Variants in CD4 observed in about 807,000 individuals in gnomAD.
The protein encoded by CD4 is CD4 molecule.
A neutral mutation model predicts 50.5 loss-of-function variants in CD4; 25 were observed. The ratio of observed to expected loss-of-function variants is 0.49; its 90% CI spans 0.36 to 0.69. CD4 has a LOEUF of 0.69. CD4 is among the 30% of genes least tolerant of loss of function. The pLI is 0.00. For synonymous variants in CD4, 207 were observed against 221.9 expected (o/e 0.93, Z 0.60); for missense variants, 456 against 548.5 (o/e 0.83, Z 1.68).
chr12:6,802,668 T>C (rs968594444), intron 3 of CD4, among the ~76,000 whole-genome samples: 1 of 152,176 alleles, frequency 6.6e-6, no homozygotes, highest in South Asian at 2.1e-4. Context: ...GTAAATGATA[T>C]CATACTGTAT....
In CD4 at chr12:6,792,189, G is replaced by C. The variant is rs1194519321; in HGVS notation, c.-68+2527G>C. ...GAGTGGGCTGCTTGGGGGTTATGGG[G>C]AGAAGATAAAAGTGCCTGTGGGACC... On this transcript the variant is annotated intron_variant, in intron 1 of 9. Transcript: ENST00000011653. The surrounding 1 kb of genome is among the most constrained non-coding windows in gnomAD (Gnocchi z 4.1). 6.6e-6 allele frequency among the ~76,000 whole-genome samples: 1 copy of C among 152,072 alleles called. No individual in the cohort carries two copies. The highest frequency in any genetic ancestry group is 1.5e-5 in the Non-Finnish European group (1 of 68,012).
chr12:6,814,085 A>G, intron 3 of CD4, 57 bp from the exon 4 acceptor site: 1 of 1,481,072 alleles, frequency 6.8e-7, no homozygotes, highest in Non-Finnish European at 9.3e-7. Flanking sequence ...TTCTCTTGCC[A>G]GAGGTGCCCT....
At position 6,818,062 on chromosome 12, in the gene CD4, G is replaced by A. The variant is rs572764656; in HGVS notation, c.1157-359G>A. The stretch of plus-strand genomic sequence containing the variant: ...CACACATTCACACACATGCACACAC[G>A]CACACACATTCACACATGGACTCAC... On this transcript the variant is annotated intron_variant, in intron 7 of 9. Transcript: ENST00000011653. The surrounding 1 kb of genome is among the most constrained non-coding windows in gnomAD (Gnocchi z 5.0). Among the ~76,000 whole-genome samples the A allele has an allele frequency of 2.2e-4, 31 of 143,690 alleles. No homozygotes were observed. Among genetic ancestry groups the A allele is most frequent in the South Asian group, 1.6e-3 (7 of 4,376 alleles). The allele number at this position is 143,690 out of a possible 152,430, so 94.3% of individuals were successfully genotyped here.
chr12:6,807,546 G>A (rs895933205), intron 3 of CD4, among the ~76,000 whole-genome samples: 1 of 152,060 alleles, frequency 6.6e-6, no homozygotes, highest in East Asian at 1.9e-4. Flanking sequence ...ATGAGTGATT[G>A]CCAGGGGTTA....
chr12:6,797,775 G>A (rs1035907073), intron 1 of CD4, among the ~76,000 whole-genome samples: 3 of 152,200 alleles, frequency 2.0e-5, no homozygotes, highest in African/African-American at 7.2e-5. Flanking sequence ...GAGTAACAGA[G>A]CAGTATTGCC....
In CD4 at chr12:6,814,182, C is replaced by G. The variant is rs782612119; in HGVS notation, c.255C>G (p.Ser85Arg). ...KLNDRADSRR[S>R]LWDQGNFPLI... ...ATGATCGCGCTGACTCAAGAAGAAGCCTTTGGGACCAAGGAAACTTTCCCC... is the reference window on the plus strand; with the variant it reads ...ATGATCGCGCTGACTCAAGAAGAAGGCTTTGGGACCAAGGAAACTTTCCCC... Residue 85 changes from serine (S) to arginine (R), a missense_variant, in exon 4 of 10, where the codon AGC (serine) becomes AGG (arginine). Ser to Arg is a moderately radical substitution (Grantham distance 110). Transcript: ENST00000011653. 4 of 1,613,972 alleles carry G rather than the reference C, an allele frequency of 2.5e-6. No individual in the cohort carries two copies. Among genetic ancestry groups the G allele is most frequent in the African/African-American group, 1.3e-5 (1 of 74,878 alleles).
intron 1 of CD4, among the ~76,000 whole-genome samples, chr12:6,793,794 C>T (rs990116274): frequency 2.7e-5 from 4 of 149,664 alleles, no homozygotes; most frequent in South Asian, 4.2e-4. Context: ...AGATTACAGG[C>T]GCCCGCCACC....
chr12:6,809,890 CTTTTTTTT>C (rs33952514), intron 3 of CD4, among the ~76,000 whole-genome samples: 1 of 125,984 alleles, frequency 7.9e-6, no homozygotes, highest in African/African-American at 3.0e-5. Flanking sequence ...GCCTATACCT[CTTTTTTTT>C]TTTTTTTTTG....
Position 6,794,786 on chromosome 12 carries a change from G to GT in CD4, c.-68+5140dup, listed in dbSNP as rs1220016459. On this transcript the variant is annotated intron_variant, in intron 1 of 9. Transcript: ENST00000011653. The stretch of plus-strand genomic sequence containing the variant: ...CTGTCTGTATGTCTGTTTTTTTTTT[G>GT]TTTTTTTTTTTTTTTTGAGATAGAG... 0.013 allele frequency among the ~76,000 whole-genome samples: 1,394 copies of GT among 105,282 alleles called. 72 individuals are homozygous for GT. In the East Asian group the frequency reaches 0.15, roughly 11 times the overall value. 69.1% of individuals were successfully genotyped at this position (105,282 alleles called of 152,430 possible). A position where few individuals can be genotyped will look rare whatever the true frequency, so the allele number is the denominator to read the frequency against.
chr12:6,800,312 C>G lies in CD4; in HGVS notation c.55C>G (p.Leu19Val), dbSNP rs1942505904. The change falls in exon 3 of 10, where the codon CTC becomes GTC. Residue 19 changes from leucine (L) to valine (V), a missense_variant. Physicochemically the swap from Leu to Val is conservative, Grantham distance 32. Coordinates refer to ENST00000011653, the MANE Select transcript of CD4 (RefSeq NM_000616.5). Reference sequence around the variant, plus strand: ...CTCCTTTCTTTTCCACTTAGCGCTCCTCCCAGCAGCCACTCAGGGAAAGAA... The same window carrying G: ...CTCCTTTCTTTTCCACTTAGCGCTCGTCCCAGCAGCCACTCAGGGAAAGAA... ...HLLLVLQLALLPAATQGKKVV... is the reference protein window; with the variant it reads ...HLLLVLQLALVPAATQGKKVV... The G allele has an allele frequency of 6.2e-7, 1 of 1,613,818 alleles. No homozygotes were observed.
chr12:6,801,668 C>A (rs1942556276), intron 3 of CD4, among the ~76,000 whole-genome samples: 1 of 150,222 alleles, frequency 6.7e-6, no homozygotes, highest in African/African-American at 2.4e-5. Context: ...TCAAGTGATT[C>A]TCCTGCCTCA....
chr12:6,808,666 G>A (rs7299900), intron 3 of CD4, among the ~76,000 whole-genome samples: 57,742 of 151,510 alleles, frequency 0.38, 11,648 homozygotes, highest in Non-Finnish European at 0.43. Flanking sequence ...ATTGGTTTTG[G>A]TGCTAACCTA....
At chr12:6,815,537 G>T (rs1224717136) in intron 5 of CD4, among the ~76,000 whole-genome samples, 1 of 152,148 alleles carries the variant, frequency 6.6e-6, no homozygotes, top group Non-Finnish European at 1.5e-5. Context: ...TCCTGGTTCT[G>T]CCACAACCAT....
intron 1 of CD4, among the ~76,000 whole-genome samples, chr12:6,795,684 C>A (rs533963819): frequency 6.6e-6 from 1 of 152,230 alleles, no homozygotes; most frequent in Non-Finnish European, 1.5e-5. Context: ...GGATAAGGGG[C>A]CACCCCACAG....
At position 6,818,640 on chromosome 12, in the gene CD4, TCTGCCCACTCGTAAGTTCCCTTG is replaced by T. The variant is rs1943178172; in HGVS notation, c.1278+105_1278+127del. Reference sequence around the variant, plus strand: ...GGGAACTGATTTTGGCCCAGCTCCCTCTGCCCACTCGTAAGTTCCCTTGCTGCCCTGTCCCAGATCCCACTCAA... The same window carrying T: ...GGGAACTGATTTTGGCCCAGCTCCCTCTGCCCTGTCCCAGATCCCACTCAA... On this transcript the variant is annotated intron_variant, in intron 8 of 9. Coordinates refer to ENST00000011653, the MANE Select transcript of CD4 (RefSeq NM_000616.5). This position sits in a 1 kb window ranked among gnomAD's most constrained non-coding sequence, Gnocchi z 5.0. The T allele has an allele frequency of 3.4e-6, 5 of 1,469,082 alleles. No individual in the cohort carries two copies. The highest frequency in any genetic ancestry group is 1.4e-5 in the African/African-American group (1 of 71,956). The allele number at this position is 1,469,082 out of a possible 1,614,324, so 91.0% of individuals were successfully genotyped here. A position where few individuals can be genotyped will look rare whatever the true frequency, so the allele number is the denominator to read the frequency against.
chr12:6,801,913 C>T (rs1219045175), intron 3 of CD4, among the ~76,000 whole-genome samples: 2 of 148,012 alleles, frequency 1.4e-5, no homozygotes, highest in Non-Finnish European at 3.0e-5. Context: ...CGATCTGTTG[C>T]CCAGGCTGGA....
At chr12:6,814,332 C>G in intron 4 of CD4, 32 bp downstream of exon 4, 4 of 1,600,130 alleles carry the variant, frequency 2.5e-6, no homozygotes, top group Non-Finnish European at 3.4e-6. Flanking sequence ...GAGGATACCT[C>G]CTGCCTGGTT....
In CD4 at chr12:6,816,213, C is replaced by T; in HGVS notation, c.765C>T (p.Asp255=). 1.2e-6 allele frequency: 2 copies of T among 1,614,136 alleles called. No individual in the cohort carries two copies. The highest frequency in any genetic ancestry group is 1.7e-6 in the Non-Finnish European group (2 of 1,180,014). Residue 255 remains aspartate, a synonymous_variant, in exon 6 of 10, where the codon GAC becomes GAT. Coordinates refer to ENST00000011653, the MANE Select transcript of CD4 (RefSeq NM_000616.5). This position sits in a 1 kb window ranked among gnomAD's most constrained non-coding sequence, Gnocchi z 4.9. ...ASSSKSWITF[D]LKNKEVSVKR... is the part of the protein sequence containing the mutation. ...CCTCCAAGTCTTGGATCACCTTTGA[C>T]CTGAAGAACAAGGAAGTGTCTGTAA...
intron 1 of CD4, among the ~76,000 whole-genome samples, chr12:6,799,787 A>G (rs1942480654): frequency 6.6e-6 from 1 of 152,172 alleles, no homozygotes; most frequent in Non-Finnish European, 1.5e-5. Context: ...AGCCTAGTAT[A>G]TGCCCATCTC....
Sources: allele counts gnomAD v4.1 joint callset (sites outside exome capture counted in the v4.1 genomes callset), GRCh38; gene constraint gnomAD v4.1.1; non-coding constraint Gnocchi (gnomAD v3.1); transcripts MANE v1.5; gene names NCBI Gene and HGNC (gene_info 2026-07-23, HGNC 2026-07-21).